The following INPP4B variants were observed in gnomAD, a reference collection of about 807,000 sequenced individuals.
The protein encoded by INPP4B is inositol polyphosphate 4-phosphatase type II.
A neutral mutation model predicts 122.5 loss-of-function variants in INPP4B; 55 were observed. That is an observed-to-expected ratio of 0.45 (90% CI 0.36 to 0.56). The LOEUF is 0.56. Among genes scored for constraint, INPP4B ranks in the 20% least tolerant of loss-of-function variants. The pLI, the probability that INPP4B is intolerant of heterozygous loss-of-function variation, is 0.00. For synonymous variants in INPP4B, 403 were observed against 388.7 expected (o/e 1.04, Z -0.43); for missense variants, 1,000 against 1,097.7 (o/e 0.91, Z 1.26).
intron 23 of INPP4B, among the ~76,000 whole-genome samples, chr4:142,097,951 G>C (rs1208036793): frequency 6.6e-6 from 1 of 152,106 alleles, no homozygotes; most frequent in Non-Finnish European, 1.5e-5. Flanking sequence ...TTCTGGTAAG[G>C]AGTCCTGTCA....
intron 25 of INPP4B, among the ~76,000 whole-genome samples, chr4:142,069,070 A>G (rs1765388105): frequency 6.6e-6 from 1 of 152,316 alleles, no homozygotes; most frequent in East Asian, 1.9e-4. Flanking sequence ...AAAATTGACC[A>G]CAGAGTTGGA....
chr4:142,374,792 A>G (rs1270356597), intron 7 of INPP4B, among the ~76,000 whole-genome samples: 1 of 151,866 alleles, frequency 6.6e-6, no homozygotes, highest in East Asian at 1.9e-4. Flanking sequence ...TTTTTATTCA[A>G]TGAGGTAGGT....
At chr4:142,813,631 C>T (rs1032775532) in intron 1 of INPP4B, among the ~76,000 whole-genome samples, 1 of 152,084 alleles carries the variant, frequency 6.6e-6, no homozygotes, top group African/African-American at 2.4e-5. Context: ...GTTGGCAAAG[C>T]TTTCTCATGG....
chr4:142,757,042 T>C (rs1770610122), intron 1 of INPP4B, among the ~76,000 whole-genome samples: 1 of 152,172 alleles, frequency 6.6e-6, no homozygotes, highest in Non-Finnish European at 1.5e-5. Flanking sequence ...TTGAGTATAG[T>C]GTCTAGATCT....
At chr4:142,651,010 CAACA>C (rs1446711483) in intron 2 of INPP4B, among the ~76,000 whole-genome samples, 13 of 152,082 alleles carry the variant, frequency 8.5e-5, no homozygotes, top group Non-Finnish European at 1.3e-4. Context: ...ACAGAAATCA[CAACA>C]AACAGTCTCT....
chr4:142,535,620 A>C (rs1402223354), intron 2 of INPP4B, among the ~76,000 whole-genome samples: 1 of 152,194 alleles, frequency 6.6e-6, no homozygotes, highest in Non-Finnish European at 1.5e-5. Flanking sequence ...AGGGATTGTG[A>C]GGATGGGATG....
chr4:142,580,411 A>G (rs1734823961), intron 2 of INPP4B, among the ~76,000 whole-genome samples: 1 of 151,978 alleles, frequency 6.6e-6, no homozygotes, highest in African/African-American at 2.4e-5. Context: ...TCTTTATGTT[A>G]CTTCCTGTTT....
chr4:142,704,843 A>G (rs149237179), intron 2 of INPP4B, among the ~76,000 whole-genome samples: 291 of 152,200 alleles, frequency 1.9e-3, no homozygotes, highest in African/African-American at 6.7e-3. Context: ...ATAAATGCCA[A>G]TTTCGTATGT....
At chr4:142,728,065 G>T (rs889039429) in intron 1 of INPP4B, among the ~76,000 whole-genome samples, 5 of 152,134 alleles carry the variant, frequency 3.3e-5, no homozygotes, top group African/African-American at 4.8e-5. Context: ...AAAAAAGGAA[G>T]TCCACATTAA....
chr4:142,302,011 T>C (rs549575376), intron 9 of INPP4B, among the ~76,000 whole-genome samples: 1 of 152,258 alleles, frequency 6.6e-6, no homozygotes, highest in African/African-American at 2.4e-5. Context: ...ATTACAATGT[T>C]CCAAAGTTCT....
At chr4:142,304,547 A>G (rs543898510) in intron 9 of INPP4B, among the ~76,000 whole-genome samples, 1 of 152,228 alleles carries the variant, frequency 6.6e-6, no homozygotes, top group East Asian at 1.9e-4. Flanking sequence ...TAGAGATGCT[A>G]GCATAAGCCA....
intron 7 of INPP4B, chr4:142,317,367 C>T (rs1483298027): frequency 9.1e-6 from 3 of 330,882 alleles, no homozygotes; most frequent in African/African-American, 4.5e-5. Flanking sequence ...AGGCAGATTA[C>T]ATGCTTATGA....
At chr4:142,809,347 CTT>C (rs1320984248) in intron 1 of INPP4B, among the ~76,000 whole-genome samples, 1 of 152,130 alleles carries the variant, frequency 6.6e-6, no homozygotes, top group Non-Finnish European at 1.5e-5. Context: ...TTAATCCTGA[CTT>C]TGCATATTTC....
At chr4:142,487,087 T>TA (rs1040652245) in intron 2 of INPP4B, among the ~76,000 whole-genome samples, 19 of 152,146 alleles carry the variant, frequency 1.2e-4, no homozygotes, top group Admixed American at 1.2e-3. Flanking sequence ...ATTCTCATGA[T>TA]AGTGAATAAG....
At chr4:142,183,871 CTT>C (rs1831973109) in intron 15 of INPP4B, among the ~76,000 whole-genome samples, 1 of 151,962 alleles carries the variant, frequency 6.6e-6, no homozygotes, top group Non-Finnish European at 1.5e-5. Flanking sequence ...TCATATTAGA[CTT>C]AACATTTTTA....
intron 1 of INPP4B, among the ~76,000 whole-genome samples, chr4:142,793,793 G>C (rs1479135124): frequency 6.6e-6 from 1 of 151,766 alleles, no homozygotes; most frequent in Admixed American, 6.6e-5. Context: ...ATGTAATAAA[G>C]ATGCTACTTT....
chr4:142,322,623 T>C (rs1417170490), intron 7 of INPP4B, among the ~76,000 whole-genome samples: 3 of 152,210 alleles, frequency 2.0e-5, no homozygotes, highest in Non-Finnish European at 4.4e-5. Flanking sequence ...TTAATTCTTT[T>C]GAAAGTGGGC....
intron 2 of INPP4B, among the ~76,000 whole-genome samples, chr4:142,650,087 C>G (rs1471488814): frequency 6.6e-6 from 1 of 152,182 alleles, no homozygotes; most frequent in Non-Finnish European, 1.5e-5. Context: ...AAATAATTTT[C>G]AACCCAGAAT....
At chr4:142,591,782 C>G (rs977085587) in intron 2 of INPP4B, among the ~76,000 whole-genome samples, 8 of 152,122 alleles carry the variant, frequency 5.3e-5, no homozygotes, top group Non-Finnish European at 1.2e-4. Flanking sequence ...TAACACTAGC[C>G]TGACCTATGC....
Sources: gnomAD v4.1 joint callset for allele counts (sites outside exome capture counted in the v4.1 genomes callset) on GRCh38, gnomAD v4.1.1 for gene constraint, MANE v1.5 for transcripts, NCBI Gene and HGNC (gene_info 2026-07-23, HGNC 2026-07-21) for gene names.